The following LRP6 variants were observed in gnomAD, a reference collection of about 807,000 sequenced individuals.
LRP6 encodes LDL receptor related protein 6.
LRP6 carries 43 observed loss-of-function variants against 184.1 expected under a neutral mutation model. That is an observed-to-expected ratio of 0.23 (90% CI 0.18 to 0.30). LRP6 has a LOEUF of 0.30. Among genes scored for constraint, LRP6 ranks in the 10% least tolerant of loss-of-function variants. The pLI is 1.00. For missense variants in LRP6, 1,571 were observed against 2,005.3 expected, an observed-to-expected ratio of 0.78 and a Z score of 4.14; for synonymous variants, 719 against 684.9, an observed-to-expected ratio of 1.05 and a Z score of -0.78.
chr12:12,164,395 G>A lies in LRP6; in HGVS notation c.1930C>T (p.Arg644Ter). 6.2e-7 allele frequency: 1 copy of A among 1,614,108 alleles called. No homozygotes were observed. Among genetic ancestry groups the A allele is most frequent in the African/African-American group, 1.3e-5 (1 of 75,006 alleles). Reference sequence around the variant, plus strand: ...TTATTGTTTGTTTCCAGAGAAATTCGTCTGATATCTGCTCTCCGTGAAAAC... The same window carrying A: ...TTATTGTTTGTTTCCAGAGAAATTCATCTGATATCTGCTCTCCGTGAAAAC... ...LLFSRRADIR[R>*]ISLETNNNNV... The change falls in exon 9 of 23, where the codon CGA becomes TGA. Residue 644 changes from arginine (R) to a stop codon, truncating the protein, a stop_gained. Transcript: ENST00000261349. LOFTEE classifies it high-confidence loss of function.
At chr12:12,155,705 A>AT in intron 12 of LRP6, 2 of 986,720 alleles carry the variant, frequency 2.0e-6, no homozygotes, top group Non-Finnish European at 3.3e-6. Context: ...AGAGAAGCAT[A>AT]TTTTGTGAGA....
intron 2 of LRP6, among the ~76,000 whole-genome samples, chr12:12,217,744 C>T (rs1439226822): frequency 2.6e-5 from 4 of 152,022 alleles, no homozygotes; most frequent in South Asian, 2.1e-4. Flanking sequence ...TATTTATGGT[C>T]GATTGACTTT....
chr12:12,165,375 T>C, intron 7 of LRP6, 80 bp from the exon 8 acceptor site: 2 of 984,352 alleles, frequency 2.0e-6, no homozygotes, highest in South Asian at 1.3e-5. Context: ...CAACTGCCTG[T>C]TGTATAAAAA....
At chr12:12,227,377 A>G (rs1183266695) in intron 2 of LRP6, among the ~76,000 whole-genome samples, 1 of 152,080 alleles carries the variant, frequency 6.6e-6, no homozygotes, top group Non-Finnish European at 1.5e-5. Flanking sequence ...TAGAGAAGGA[A>G]TAAGTGAAGG....
intron 2 of LRP6, among the ~76,000 whole-genome samples, chr12:12,217,781 G>A (rs1198850650): frequency 2.6e-5 from 4 of 152,144 alleles, no homozygotes; most frequent in African/African-American, 7.2e-5. Flanking sequence ...ACAGTTCAGT[G>A]GGGAAAAACA....
intron 2 of LRP6, among the ~76,000 whole-genome samples, chr12:12,205,225 G>C (rs895102084): frequency 2.0e-5 from 3 of 148,430 alleles, no homozygotes; most frequent in African/African-American, 7.5e-5. Flanking sequence ...GCTGAGGCAA[G>C]AGAATCGCTT....
intron 22 of LRP6, among the ~76,000 whole-genome samples, chr12:12,121,679 T>C (rs894066128): frequency 1.1e-4 from 16 of 152,204 alleles, no homozygotes; most frequent in African/African-American, 3.9e-4. Context: ...ATCTAGCCTC[T>C]GGTTGTGCTC....
intron 2 of LRP6, among the ~76,000 whole-genome samples, chr12:12,238,554 T>C (rs1472840191): frequency 6.6e-6 from 1 of 151,814 alleles, no homozygotes; most frequent in Non-Finnish European, 1.5e-5. Context: ...AAAAGATAAA[T>C]GATAAATTAC....
At chr12:12,148,827 T>C (rs913537835) in intron 14 of LRP6, 115 bp downstream of exon 14, 86 of 810,710 alleles carry the variant, frequency 1.1e-4, no homozygotes, top group South Asian at 3.1e-4. Context: ...ATAGAGAATA[T>C]TGAATTGTTT....
chr12:12,186,582 G>A (rs924704823), intron 4 of LRP6, among the ~76,000 whole-genome samples: 3 of 150,826 alleles, frequency 2.0e-5, no homozygotes, highest in African/African-American at 7.3e-5. Context: ...GTTTCACCAG[G>A]TTGGCCAGGC....
intron 2 of LRP6, among the ~76,000 whole-genome samples, chr12:12,219,263 G>A (rs993557494): frequency 1.3e-5 from 2 of 152,156 alleles, no homozygotes; most frequent in Non-Finnish European, 2.9e-5. Flanking sequence ...GGAGTGCAGT[G>A]GCACCGTCTC....
At chr12:12,263,998 G>T (rs1865695245) in intron 1 of LRP6, among the ~76,000 whole-genome samples, 1 of 139,742 alleles carries the variant, frequency 7.2e-6, no homozygotes, top group Non-Finnish European at 1.7e-5. Context: ...CAAAAAATTG[G>T]GGGCATAGTG....
chr12:12,149,651 C>T (rs1020962156), intron 13 of LRP6, among the ~76,000 whole-genome samples: 1 of 152,144 alleles, frequency 6.6e-6, no homozygotes, highest in Non-Finnish European at 1.5e-5. Context: ...TACAATATTC[C>T]GAGCAGCCCC....
At chr12:12,175,664 C>G (rs1863160111) in intron 7 of LRP6, among the ~76,000 whole-genome samples, 1 of 151,384 alleles carries the variant, frequency 6.6e-6, no homozygotes, top group African/African-American at 2.4e-5. Flanking sequence ...GCACTCCAGC[C>G]TGGACGACAG....
rs530496625 is a variant in LRP6, at chr12:12,121,043, A to G, written c.*83T>C. On this transcript the variant is annotated 3_prime_UTR_variant, in exon 23 of 23. Coordinates refer to ENST00000261349, the MANE Select transcript of LRP6 (RefSeq NM_002336.3). ...ATGGTCTGCCTCATCCTTCTCTAATAGCTCCCTCCCCCCCTCCAGATCTCA... is the reference window on the plus strand; with the variant it reads ...ATGGTCTGCCTCATCCTTCTCTAATGGCTCCCTCCCCCCCTCCAGATCTCA... 6 of 1,269,710 alleles carry G rather than the reference A, an allele frequency of 4.7e-6. No individual in the cohort carries two copies. The East Asian group carries it at 1.3e-4, about 27-fold the overall frequency. The allele number at this position is 1,269,710 out of a possible 1,614,324, so 78.7% of individuals were successfully genotyped here. A position where few individuals can be genotyped will look rare whatever the true frequency, so the allele number is the denominator to read the frequency against.
At chr12:12,223,359 T>C (rs1311148336) in intron 2 of LRP6, among the ~76,000 whole-genome samples, 8 of 152,190 alleles carry the variant, frequency 5.3e-5, no homozygotes, top group Non-Finnish European at 1.0e-4. Flanking sequence ...TGAAACCTTG[T>C]TGCTGTGTTT....
intron 3 of LRP6, among the ~76,000 whole-genome samples, chr12:12,195,198 TC>T (rs1483507642): frequency 6.6e-6 from 1 of 152,146 alleles, no homozygotes; most frequent in Non-Finnish European, 1.5e-5. Context: ...TGATTTCCTT[TC>T]CTTTGGGTAA....
Position 12,212,162 on chromosome 12 carries a change from T to C in LRP6, c.450-8762A>G, listed in dbSNP as rs569292481. ...TTCCAGGTCCTTGAAAACAAGGACT[T>C]TGTTTTATTTTTTGTTGTATCCCCT... On this transcript the variant is annotated intron_variant, in intron 2 of 22. Coordinates refer to ENST00000261349, the MANE Select transcript of LRP6 (RefSeq NM_002336.3). 4.6e-5 allele frequency among the ~76,000 whole-genome samples: 7 copies of C among 152,276 alleles called. No individual in the cohort carries two copies. The South Asian group carries it at 8.3e-4, about 18-fold the overall frequency.
At position 12,203,369 on chromosome 12, in the gene LRP6, G is replaced by T. The variant is rs769446193; in HGVS notation, c.481C>A (p.Pro161Thr). ...FMYWTDWGEV[P>T]KIERAGMDGS... ...TCCATTCCAGCACGTTCTATCTTTGGCACTTCTCCCCAGTCTGTCCAGTAC... is the reference window on the plus strand; with the variant it reads ...TCCATTCCAGCACGTTCTATCTTTGTCACTTCTCCCCAGTCTGTCCAGTAC... The change falls in exon 3 of 23, where the codon CCA becomes ACA. Residue 161 changes from proline to threonine, a missense_variant. Pro to Thr is a conservative substitution (Grantham distance 38). Around this residue, in one of 4 missense-constraint regions of LRP6, gnomAD observed 640 missense variants for 851.9 expected, o/e 0.75. Coordinates refer to ENST00000261349, the MANE Select transcript of LRP6 (RefSeq NM_002336.3). 3.7e-6 allele frequency: 6 copies of T among 1,613,848 alleles called. No individual in the cohort carries two copies. The highest frequency in any genetic ancestry group is 5.1e-6 in the Non-Finnish European group (6 of 1,179,838).
Sources: gnomAD v4.1 joint callset for allele counts (sites outside exome capture counted in the v4.1 genomes callset) on GRCh38, gnomAD v4.1.1 for gene constraint, gnomAD v4.1.1 regional missense constraint, MANE v1.5 for transcripts, NCBI Gene and HGNC (gene_info 2026-07-23, HGNC 2026-07-21) for gene names.